GRM1: variants seen among roughly 807,000 people sequenced by gnomAD.
The protein encoded by GRM1 is glutamate metabotropic receptor 1.
Under a neutral mutation model 90.9 loss-of-function variants are expected in GRM1, and 33 were observed. The ratio of observed to expected loss-of-function variants is 0.36; its 90% CI spans 0.28 to 0.49. The LOEUF (loss-of-function observed/expected upper bound fraction) is 0.49. Among genes scored for constraint, GRM1 ranks in the 20% least tolerant of loss-of-function variants. The pLI is 0.99. For missense variants in GRM1, 1,190 were observed against 1,534.3 expected (o/e 0.78, Z 3.75); for synonymous variants, 700 against 613.2 (o/e 1.14, Z -2.09).
At chr6:146,285,001 T>G (rs1312722157) in intron 2 of GRM1, among the ~76,000 whole-genome samples, 1 of 152,206 alleles carries the variant, frequency 6.6e-6, no homozygotes, top group African/African-American at 2.4e-5. Context: ...GAGAGCAAAT[T>G]TAATAGTTCA....
intron 3 of GRM1, among the ~76,000 whole-genome samples, chr6:146,336,785 C>T (rs1020903315): frequency 6.6e-6 from 1 of 152,188 alleles, no homozygotes; most frequent in Non-Finnish European, 1.5e-5. Flanking sequence ...AGTTCCAGTA[C>T]CCGACTCTGT....
intron 7 of GRM1, among the ~76,000 whole-genome samples, chr6:146,412,690 A>G (rs1251983992): frequency 1.3e-5 from 2 of 152,158 alleles, no homozygotes; most frequent in Non-Finnish European, 2.9e-5. Context: ...TCTATATTTC[A>G]TTTCTCCCAC....
intron 1 of GRM1, among the ~76,000 whole-genome samples, chr6:146,146,898 A>G (rs1777129751): frequency 6.6e-6 from 1 of 152,202 alleles, no homozygotes; most frequent in African/African-American, 2.4e-5. Context: ...GCAACAGAAA[A>G]CAGAGTAATA....
At chr6:146,302,151 C>G (rs765163700) in intron 2 of GRM1, among the ~76,000 whole-genome samples, 7 of 151,454 alleles carry the variant, frequency 4.6e-5, no homozygotes, top group Non-Finnish European at 1.0e-4. Context: ...CTGCCAGGAA[C>G]CTTCTATACC....
At position 146,386,887 on chromosome 6, in the gene GRM1, T is replaced by C. The variant is rs534180335; in HGVS notation, c.1603-3T>C. On this transcript the variant is annotated splice_region_variant and splice_polypyrimidine_tract_variant and intron_variant, in intron 5 of 7. Transcript: ENST00000282753. ...TAAAATTCATGAAATATCTATGTTATAGGTTATACGGAAAGGAGAAGTGAG... is the reference window on the plus strand; with the variant it reads ...TAAAATTCATGAAATATCTATGTTACAGGTTATACGGAAAGGAGAAGTGAG... 88 of 1,604,708 alleles carry C rather than the reference T, an allele frequency of 5.5e-5. 1 individual carries two copies. The highest frequency in any genetic ancestry group is 4.5e-4 in the South Asian group (41 of 90,892).
At chr6:146,123,722 T>C (rs2128878062) in intron 1 of GRM1, among the ~76,000 whole-genome samples, 1 of 152,324 alleles carries the variant, frequency 6.6e-6, no homozygotes, top group Admixed American at 6.5e-5. Context: ...GTCTTTTCAA[T>C]GCTACAGGTT....
At chr6:146,239,198 A>G (rs939425693) in intron 2 of GRM1, among the ~76,000 whole-genome samples, 1 of 152,178 alleles carries the variant, frequency 6.6e-6, no homozygotes, top group African/African-American at 2.4e-5. Context: ...GCTGTTGCCA[A>G]GCAACCTGAA....
chr6:146,392,885 C>T (rs530377544), intron 6 of GRM1, among the ~76,000 whole-genome samples: 1 of 152,244 alleles, frequency 6.6e-6, no homozygotes, highest in South Asian at 2.1e-4. Context: ...TATATGACTG[C>T]ATAGTATTCC....
chr6:146,354,490 C>T (rs530167889), intron 4 of GRM1, among the ~76,000 whole-genome samples: 7 of 152,236 alleles, frequency 4.6e-5, no homozygotes, highest in African/African-American at 1.2e-4. Flanking sequence ...TCTAAAATGT[C>T]GGTGCATAAT....
At chr6:146,095,197 T>G (rs1776836957) in intron 1 of GRM1, among the ~76,000 whole-genome samples, 1 of 152,128 alleles carries the variant, frequency 6.6e-6, no homozygotes, top group Non-Finnish European at 1.5e-5. Flanking sequence ...AACCGACATG[T>G]GATTCTGATT....
chr6:146,204,045 T>C (rs1779412450), intron 2 of GRM1, among the ~76,000 whole-genome samples: 2 of 152,228 alleles, frequency 1.3e-5, no homozygotes, highest in South Asian at 2.1e-4. Flanking sequence ...AATGTTCTTA[T>C]TGAGTGTTAA....
intron 2 of GRM1, among the ~76,000 whole-genome samples, chr6:146,232,149 A>T (rs948959683): frequency 6.6e-6 from 1 of 152,064 alleles, no homozygotes; most frequent in Non-Finnish European, 1.5e-5. Context: ...TTGTGTCTTT[A>T]TTAGTTTGTT....
chr6:146,327,466 A>G (rs1784433713), intron 3 of GRM1, among the ~76,000 whole-genome samples: 1 of 152,164 alleles, frequency 6.6e-6, no homozygotes, highest in Non-Finnish European at 1.5e-5. Context: ...GAGTCCTGAG[A>G]TAACCTCCTC....
At chr6:146,182,780 TA>T (rs2114551851) in intron 2 of GRM1, among the ~76,000 whole-genome samples, 1 of 152,240 alleles carries the variant, frequency 6.6e-6, no homozygotes, top group South Asian at 2.1e-4. Flanking sequence ...GTTAAGTCAA[TA>T]AAACATTCCA....
intron 3 of GRM1, among the ~76,000 whole-genome samples, chr6:146,323,442 T>G (rs1362392513): frequency 6.6e-6 from 1 of 152,142 alleles, no homozygotes; most frequent in Non-Finnish European, 1.5e-5. Flanking sequence ...GGGTTGTTTG[T>G]TTTTTTACTT....
At chr6:146,172,442 G>A (rs1359984263) in intron 2 of GRM1, among the ~76,000 whole-genome samples, 1 of 152,194 alleles carries the variant, frequency 6.6e-6, no homozygotes, top group African/African-American at 2.4e-5. Flanking sequence ...TTTGCCGAAT[G>A]TATTCACTGG....
Position 146,304,682 on chromosome 6 carries a change from A to G in GRM1, c.1022A>G (p.Lys341Arg), listed in dbSNP as rs1783513668. ...EVEANGGITI[K>R]LQSPEVRSFD... ...GAAGCCAACGGGGGAATCACGATAA[A>G]GCTGCAGTCTCCAGAGGTCAGGTCA... Residue 341 changes from lysine to arginine, a missense_variant, in exon 3 of 8, where the codon AAG becomes AGG. Lys to Arg is a conservative substitution (Grantham distance 26). Transcript: ENST00000282753. The G allele has an allele frequency of 1.2e-6, 2 of 1,614,028 alleles. No individual in the cohort carries two copies. Among genetic ancestry groups the G allele is most frequent in the Non-Finnish European group, 1.7e-6 (2 of 1,179,960 alleles).
chr6:146,206,221 G>A (rs1465028417), intron 2 of GRM1, among the ~76,000 whole-genome samples: 3 of 152,138 alleles, frequency 2.0e-5, no homozygotes, highest in Non-Finnish European at 2.9e-5. Flanking sequence ...GAAGCAGGAG[G>A]TAAGCCCAAT....
chr6:146,252,638 G>C (rs1318494071), intron 2 of GRM1, among the ~76,000 whole-genome samples: 1 of 152,078 alleles, frequency 6.6e-6, no homozygotes, highest in Non-Finnish European at 1.5e-5. Context: ...TTTAAAAAAG[G>C]ATAAATTAGA....
Sources: gnomAD v4.1 joint callset for allele counts (sites outside exome capture counted in the v4.1 genomes callset) on GRCh38, gnomAD v4.1.1 for gene constraint, MANE v1.5 for transcripts, NCBI Gene and HGNC (gene_info 2026-07-23, HGNC 2026-07-21) for gene names.